The following CWH43 variants were observed in gnomAD, a reference collection of about 807,000 sequenced individuals.
CWH43 encodes the protein PGAP2-interacting protein.
CWH43 carries 91 observed loss-of-function variants against 85.7 expected under a neutral mutation model. That is an observed-to-expected ratio of 1.06 (90% CI 0.90 to 1.26). CWH43 has a LOEUF of 1.26. Ranked by LOEUF, CWH43 falls within the 50% of genes most tolerant of loss-of-function variation. The pLI is 0.00. For missense variants in CWH43, 869 were observed against 839.2 expected (o/e 1.04, Z -0.44); for synonymous variants, 323 against 293.6 (o/e 1.10, Z -1.02).
chr4:49,049,213 C>G (rs1784720004), intron 14 of CWH43, among the ~76,000 whole-genome samples: 1 of 152,192 alleles, frequency 6.6e-6, no homozygotes, highest in South Asian at 2.1e-4. Flanking sequence ...TCTGACAGCT[C>G]AGAGTCACAT....
chr4:49,031,160 C>T (rs536961379), intron 11 of CWH43, 200 bp downstream of exon 11: 1 of 498,670 alleles, frequency 2.0e-6, no homozygotes, highest in South Asian at 4.0e-5. Flanking sequence ...TCCAGTTCTT[C>T]AGCATTATAA....
At chr4:49,040,573 C>T (rs1784427269) in intron 13 of CWH43, among the ~76,000 whole-genome samples, 1 of 152,102 alleles carries the variant, frequency 6.6e-6, no homozygotes, top group African/African-American at 2.4e-5. Context: ...ATCCTTGGCC[C>T]ACTTTTTGAT....
chr4:48,988,682 G>T lies in CWH43; in HGVS notation c.235+14G>T. The T allele has an allele frequency of 6.5e-7, 1 of 1,537,568 alleles. No homozygotes were observed. On this transcript the variant is annotated intron_variant, in intron 2 of 15. Coordinates refer to ENST00000226432, the MANE Select transcript of CWH43 (RefSeq NM_025087.3). Reference sequence around the variant, plus strand: ...TAATCACTATTGGTAAGATTTAAAAGAGTTTCTTTAAGTTGTTTTTTTTAA... The same window carrying T: ...TAATCACTATTGGTAAGATTTAAAATAGTTTCTTTAAGTTGTTTTTTTTAA...
At chr4:49,010,164 G>A (rs908417536) in intron 8 of CWH43, among the ~76,000 whole-genome samples, 4 of 152,192 alleles carry the variant, frequency 2.6e-5, no homozygotes, top group African/African-American at 2.4e-5. Flanking sequence ...GCTTGTTGTT[G>A]GTCTATTCAG....
intron 7 of CWH43, 110 bp downstream of exon 7, chr4:49,004,102 G>A: frequency 1.0e-6 from 1 of 977,334 alleles, no homozygotes; most frequent in Non-Finnish European, 1.5e-6. Context: ...GGATGATCTA[G>A]CTTTCTTGGT....
chr4:49,012,911 A>G (rs1398914965), intron 8 of CWH43, among the ~76,000 whole-genome samples: 1 of 152,180 alleles, frequency 6.6e-6, no homozygotes, highest in Non-Finnish European at 1.5e-5. Context: ...GTTAGCCCCT[A>G]CTGGGAGGTG....
intron 14 of CWH43, 47 bp from the exon 15 acceptor site, chr4:49,050,647 C>A (rs762001792): frequency 3.3e-6 from 5 of 1,516,976 alleles, no homozygotes; most frequent in Admixed American, 1.9e-5. Context: ...CGTTAGATTT[C>A]TATACAATAA....
chr4:49,022,277 A>G (rs1783773773), intron 9 of CWH43, among the ~76,000 whole-genome samples: 1 of 152,090 alleles, frequency 6.6e-6, no homozygotes, highest in Admixed American at 6.6e-5. Flanking sequence ...GGATATTGTC[A>G]ACTGCTTTTT....
At position 48,992,909 on chromosome 4, in the gene CWH43, T is replaced by C. The variant is rs1389339440; in HGVS notation, c.511+819T>C. 2.0e-5 allele frequency among the ~76,000 whole-genome samples: 3 copies of C among 152,192 alleles called. No individual in the cohort carries two copies. Among genetic ancestry groups the C allele is most frequent in the African/African-American group, 7.2e-5 (3 of 41,440 alleles). The stretch of plus-strand genomic sequence containing the variant: ...AATAGAGGGAAATTATGTCAGTAAA[T>C]TGGCCTTGTGATGTTAATAGTAGAA... On this transcript the variant is annotated intron_variant, in intron 4 of 15. Transcript: ENST00000226432. This position sits in a 1 kb window ranked among gnomAD's most constrained non-coding sequence, Gnocchi z 4.3.
At chr4:49,054,386 A>G (rs1311313641) in intron 15 of CWH43, among the ~76,000 whole-genome samples, 2 of 152,176 alleles carry the variant, frequency 1.3e-5, no homozygotes, top group Admixed American at 6.5e-5. Context: ...TTATGCCAGT[A>G]CCATACTGTT....
At chr4:48,997,314 C>A (rs186265230) in intron 5 of CWH43, among the ~76,000 whole-genome samples, 84 of 152,044 alleles carry the variant, frequency 5.5e-4, no homozygotes, top group African/African-American at 2.0e-3. Context: ...CCACCTCTGC[C>A]TCCCAAAGTG....
intron 4 of CWH43, among the ~76,000 whole-genome samples, chr4:48,994,176 C>T (rs1782740650): frequency 6.6e-6 from 1 of 152,190 alleles, no homozygotes; most frequent in African/African-American, 2.4e-5. Context: ...GGTTGGTGCA[C>T]AGTGGCTGCC....
chr4:49,046,294 A>G (rs1784619578), intron 14 of CWH43, among the ~76,000 whole-genome samples: 2 of 143,572 alleles, frequency 1.4e-5, no homozygotes, highest in South Asian at 4.5e-4. Flanking sequence ...TTAATGCCAA[A>G]AAAGAGGGAC....
intron 2 of CWH43, among the ~76,000 whole-genome samples, chr4:48,989,004 TA>T (rs1782574867): frequency 6.6e-6 from 1 of 152,168 alleles, no homozygotes; most frequent in African/African-American, 2.4e-5. Context: ...AAAAGTTTGT[TA>T]AATAATAATT....
rs145979736 is a variant in CWH43, at chr4:49,019,462, T to C, written c.1266+2134T>C. Among the ~76,000 whole-genome samples the C allele has an allele frequency of 5.0e-3, 755 of 152,294 alleles. 1 individual carries two copies. Among genetic ancestry groups the C allele is most frequent in the Middle Eastern group, 0.014 (4 of 294 alleles). Reference sequence around the variant, plus strand: ...AAGCTCGGTGAAGAGTAGTAGAAGATGACGTGGAGAGGCTGGGGAGGGCCA... The same window carrying C: ...AAGCTCGGTGAAGAGTAGTAGAAGACGACGTGGAGAGGCTGGGGAGGGCCA... On this transcript the variant is annotated intron_variant, in intron 9 of 15. Coordinates refer to ENST00000226432, the MANE Select transcript of CWH43 (RefSeq NM_025087.3).
At chr4:49,007,863 G>T (rs548227128) in intron 8 of CWH43, among the ~76,000 whole-genome samples, 1 of 152,280 alleles carries the variant, frequency 6.6e-6, no homozygotes, top group East Asian at 1.9e-4. Flanking sequence ...TCTTAATCCA[G>T]TCTATCATTG....
intron 13 of CWH43, among the ~76,000 whole-genome samples, chr4:49,039,328 T>TATATATATATATATATATATATAG (rs1784371415): frequency 1.2e-5 from 1 of 83,076 alleles, no homozygotes; most frequent in Non-Finnish European, 2.4e-5. Context: ...TATATATATA[T>TATATATATATATATATATATATAG]ATATACTGAT....
chr4:49,019,034 C>T (rs1489295624), intron 9 of CWH43, among the ~76,000 whole-genome samples: 1 of 152,146 alleles, frequency 6.6e-6, no homozygotes, highest in East Asian at 1.9e-4. Context: ...GATTTAATAC[C>T]TGTTCTTTTG....
At chr4:49,001,496 G>A (rs981193630) in intron 6 of CWH43, among the ~76,000 whole-genome samples, 9 of 152,146 alleles carry the variant, frequency 5.9e-5, no homozygotes, top group Middle Eastern at 3.4e-3. Context: ...CAAAAAGGAA[G>A]GGAAATGCAT....
Sources: gnomAD v4.1 joint callset for allele counts (sites outside exome capture counted in the v4.1 genomes callset) on GRCh38, gnomAD v4.1.1 for gene constraint, Gnocchi (gnomAD v3.1) non-coding constraint, MANE v1.5 for transcripts, NCBI Gene and HGNC (gene_info 2026-07-23, HGNC 2026-07-21) for gene names.